BID: variants seen among roughly 807,000 people sequenced by gnomAD.
The protein encoded by BID is BH3 interacting domain death agonist, also known as BH3-interacting domain death agonist.
Under a neutral mutation model 17.4 loss-of-function variants are expected in BID, and 19 were observed. The observed-to-expected ratio is 1.09, with a 90% confidence interval of 0.76 to 1.60. The LOEUF (loss-of-function observed/expected upper bound fraction) is 1.60, where lower values mean the gene tolerates loss of function less well. BID is among the 40% of genes most tolerant of loss of function. BID has a pLI of 0.00. For synonymous variants in BID, 108 were observed against 102.8 expected (o/e 1.05, Z -0.31); for missense variants, 226 against 256.0 (o/e 0.88, Z 0.80).
intron 5 of BID, among the ~76,000 whole-genome samples, chr22:17,735,853 T>G (rs2061415625): frequency 6.6e-6 from 1 of 152,146 alleles, no homozygotes; most frequent in African/African-American, 2.4e-5. Flanking sequence ...GGAATCACGA[T>G]TCTGCCTCAG....
intron 1 of BID, among the ~76,000 whole-genome samples, chr22:17,765,150 C>A (rs2061669302): frequency 8.0e-6 from 1 of 124,686 alleles, no homozygotes; most frequent in Non-Finnish European, 1.9e-5. Context: ...AAGACATCCT[C>A]CACAGAGGAC....
chr22:17,753,375 T>C (rs2061556244), intron 1 of BID, among the ~76,000 whole-genome samples: 1 of 152,226 alleles, frequency 6.6e-6, no homozygotes, highest in Admixed American at 6.5e-5. Flanking sequence ...CCCTGAGCTG[T>C]GCCTTGAGGC....
At chr22:17,738,956 A>T (rs577992563) in intron 4 of BID, among the ~76,000 whole-genome samples, 1 of 152,148 alleles carries the variant, frequency 6.6e-6, no homozygotes, top group South Asian at 2.1e-4. Context: ...TAGAGCTCAG[A>T]AAGTTGTGTG....
At chr22:17,748,425 C>G (rs148863371) in intron 2 of BID, among the ~76,000 whole-genome samples, 57 of 137,210 alleles carry the variant, frequency 4.2e-4, no homozygotes, top group African/African-American at 1.4e-3. Context: ...GGAGAATGGC[C>G]TGAACCCGGG....
chr22:17,763,609 A>G (rs5747351), intron 1 of BID, among the ~76,000 whole-genome samples: 77,630 of 151,988 alleles, frequency 0.51, 21,236 homozygotes, highest in East Asian at 0.74. Context: ...GACAGTTGAG[A>G]GCTGTCTCCA....
rs1398144042 is a variant in BID at position 17,755,072 on chromosome 22, TTTTTC to T, written c.-58-4903_-58-4899del. Among the ~76,000 whole-genome samples the T allele has an allele frequency of 1.4e-5, 2 of 145,452 alleles. 1 individual carries two copies. Among genetic ancestry groups the T allele is most frequent in the South Asian group, 4.3e-4 (2 of 4,626 alleles). ...CCACCGTGCCTGGCCTGAATTTCTT[TTTTTC>T]TTTTCTTTTTTTTTTTTTTTTTTTT... is the stretch of plus-strand genomic sequence containing the variant. On this transcript the variant is annotated intron_variant, in intron 1 of 5. Transcript: ENST00000622694.
At position 17,762,707 on chromosome 22, in the gene BID, T is replaced by C. The variant is rs376990867; in HGVS notation, c.-59+11674A>G. Among the ~76,000 whole-genome samples the C allele has an allele frequency of 5.9e-5, 9 of 151,462 alleles. No homozygotes were observed. The East Asian group carries it at 7.9e-4, about 13-fold the overall frequency. On this transcript the variant is annotated intron_variant, in intron 1 of 5. Coordinates refer to ENST00000622694, the MANE Select transcript of BID (RefSeq NM_001196.4). The stretch of plus-strand genomic sequence containing the variant: ...CTGGGATTACAGGTAAGGACCACTG[T>C]GACTGGCCTATTTTTAAAATTTCTC...
chr22:17,761,575 G>A (rs1294670970), intron 1 of BID, among the ~76,000 whole-genome samples: 3 of 152,000 alleles, frequency 2.0e-5, no homozygotes, highest in Admixed American at 6.6e-5. Flanking sequence ...GGGACTACAG[G>A]CGCCCGCCAC....
At chr22:17,738,395 G>C (rs1378516619) in intron 4 of BID, among the ~76,000 whole-genome samples, 166 bp from the exon 5 acceptor site, 1 of 152,234 alleles carries the variant, frequency 6.6e-6, no homozygotes, top group East Asian at 1.9e-4. Flanking sequence ...GGAAAGGGAA[G>C]ACTGCAATCA....
chr22:17,770,539 T>C (rs1048151922), intron 1 of BID, among the ~76,000 whole-genome samples: 5 of 152,180 alleles, frequency 3.3e-5, no homozygotes, highest in Admixed American at 1.3e-4. Context: ...ATGTGAGGAA[T>C]AAAATGAGAC....
intron 1 of BID, among the ~76,000 whole-genome samples, chr22:17,763,267 A>G (rs2061654407): frequency 2.0e-5 from 3 of 147,524 alleles, no homozygotes; most frequent in Non-Finnish European, 4.5e-5. Context: ...TTTTTGAGAC[A>G]TAGTCTGGCT....
chr22:17,771,709 C>T (rs1182413552), intron 1 of BID, among the ~76,000 whole-genome samples: 2 of 152,116 alleles, frequency 1.3e-5, no homozygotes, highest in Middle Eastern at 3.2e-3. Context: ...TTTGGACCAA[C>T]GCAGGCAGAA....
intron 1 of BID, among the ~76,000 whole-genome samples, chr22:17,765,127 G>T (rs1273900558): frequency 1.3e-5 from 2 of 152,092 alleles, no homozygotes; most frequent in Admixed American, 1.3e-4. Context: ...ACCAAAGCCT[G>T]TGTGTCCGGC....
chr22:17,740,681 C>A (rs572771492), intron 3 of BID: 66 of 162,184 alleles, frequency 4.1e-4, no homozygotes, highest in Non-Finnish European at 7.9e-4. Flanking sequence ...CCTGCCTTGG[C>A]CTCCCAAAGT....
chr22:17,771,534 C>T (rs964283981), intron 1 of BID, among the ~76,000 whole-genome samples: 1 of 152,086 alleles, frequency 6.6e-6, no homozygotes, highest in Admixed American at 6.6e-5. Flanking sequence ...GTCTCAGCCT[C>T]CCAAAGCCAC....
chr22:17,767,292 T>C (rs988571694), intron 1 of BID, among the ~76,000 whole-genome samples: 9 of 151,914 alleles, frequency 5.9e-5, no homozygotes, highest in African/African-American at 1.7e-4. Flanking sequence ...GTTCTGGAAA[T>C]CTTAGAAATA....
At chr22:17,756,456 T>C (rs1569047750) in intron 1 of BID, among the ~76,000 whole-genome samples, 1 of 109,382 alleles carries the variant, frequency 9.1e-6, no homozygotes, top group Non-Finnish European at 2.1e-5. Flanking sequence ...TCTTTCTTTC[T>C]TTCTTTCTTT....
intron 2 of BID, among the ~76,000 whole-genome samples, chr22:17,746,812 G>T (rs547659334): frequency 7.2e-5 from 11 of 152,256 alleles, no homozygotes; most frequent in Non-Finnish European, 7.4e-5. Flanking sequence ...CCAGAAGGAA[G>T]CAGCCGGGCA....
chr22:17,768,730 G>A (rs557386667), intron 1 of BID, among the ~76,000 whole-genome samples: 72 of 152,142 alleles, frequency 4.7e-4, no homozygotes, highest in Non-Finnish European at 7.8e-4. Context: ...AAAATTAGCC[G>A]GCATGGTGGT....
Sources: allele counts gnomAD v4.1 joint callset (sites outside exome capture counted in the v4.1 genomes callset), GRCh38; gene constraint gnomAD v4.1.1; transcripts MANE v1.5; gene names NCBI Gene and HGNC (gene_info 2026-07-23, HGNC 2026-07-21).